Variants in GARRE1 observed in about 807,000 individuals in gnomAD.
The protein encoded by GARRE1 is granule associated Rac and RHOG effector protein 1.
Under a neutral mutation model 103.2 loss-of-function variants are expected in GARRE1, and 49 were observed. The ratio of observed to expected loss-of-function variants is 0.47; its 90% CI spans 0.38 to 0.60. The LOEUF is 0.60. Ranked by LOEUF, GARRE1 falls within the 20% of genes least tolerant of loss-of-function variation. The pLI is 0.00. For missense variants in GARRE1, 1,199 were observed against 1,370.5 expected (o/e 0.87, Z 1.98); for synonymous variants, 505 against 532.8 (o/e 0.95, Z 0.72).
chr19:34,344,107 A>AC (rs745481510), intron 10 of GARRE1, among the ~76,000 whole-genome samples: 147 of 150,926 alleles, frequency 9.7e-4, no homozygotes, highest in East Asian at 2.7e-3. Context: ...ATAGAATTGA[A>AC]CCCCCCCCAC....
chr19:34,325,502 C>G (rs777126732), intron 3 of GARRE1, among the ~76,000 whole-genome samples: 6 of 152,206 alleles, frequency 3.9e-5, no homozygotes, highest in Non-Finnish European at 7.3e-5. Context: ...GCATTTCCGT[C>G]ATGTCTACAC....
At chr19:34,256,390 C>T (rs1027837888) in intron 1 of GARRE1, among the ~76,000 whole-genome samples, 2 of 151,648 alleles carry the variant, frequency 1.3e-5, no homozygotes, top group African/African-American at 2.4e-5. Context: ...CATGGTGGCG[C>T]GCTCCTGTAG....
intron 2 of GARRE1, 79 bp from the exon 3 acceptor site, chr19:34,319,828 A>G (rs534184168): frequency 6.8e-6 from 8 of 1,170,392 alleles, no homozygotes; most frequent in South Asian, 1.2e-5. Flanking sequence ...CTTCTATTCA[A>G]GTTGGTCATT....
chr19:34,288,369 T>G (rs1038691432), intron 1 of GARRE1, among the ~76,000 whole-genome samples: 17 of 152,192 alleles, frequency 1.1e-4, no homozygotes, highest in Non-Finnish European at 2.4e-4. Context: ...CTTCCACCCC[T>G]TCAGTTTCCA....
intron 1 of GARRE1, among the ~76,000 whole-genome samples, chr19:34,273,974 A>AGAGGGGAGTAGC (rs1378984099): frequency 6.6e-6 from 1 of 152,182 alleles, no homozygotes; most frequent in Non-Finnish European, 1.5e-5. Context: ...TAGAGTAGTC[A>AGAGGGGAGTAGC]CACAGCATCC....
At chr19:34,271,820 G>A (rs1461211397) in intron 1 of GARRE1, among the ~76,000 whole-genome samples, 1 of 151,214 alleles carries the variant, frequency 6.6e-6, no homozygotes, top group Non-Finnish European at 1.5e-5. Context: ...GGGGCATGGA[G>A]CAAGTCTCAA....
At chr19:34,261,813 G>A (rs1487406695) in intron 1 of GARRE1, among the ~76,000 whole-genome samples, 3 of 152,052 alleles carry the variant, frequency 2.0e-5, no homozygotes, top group Non-Finnish European at 2.9e-5. Context: ...TGTCTAACTG[G>A]GCACTAACAG....
chr19:34,333,628 A>G (rs1427810784), intron 7 of GARRE1, 76 bp from the exon 8 acceptor site: 1 of 864,926 alleles, frequency 1.2e-6, no homozygotes, highest in Non-Finnish European at 1.8e-6. Context: ...CATTTTATGT[A>G]TTGGATTTTA....
At chr19:34,257,351 T>G (rs1343514807) in intron 1 of GARRE1, among the ~76,000 whole-genome samples, 1 of 152,104 alleles carries the variant, frequency 6.6e-6, no homozygotes, top group East Asian at 1.9e-4. Context: ...ACTCTCTTTT[T>G]TTTTGAGTCG....
chr19:34,283,988 T>C (rs1234443101), intron 1 of GARRE1, among the ~76,000 whole-genome samples: 1 of 150,276 alleles, frequency 6.7e-6, no homozygotes, highest in Non-Finnish European at 1.5e-5. Context: ...CCCGCCACCA[T>C]ACCTGGCTAA....
At chr19:34,323,700 C>T (rs1157175570) in intron 3 of GARRE1, among the ~76,000 whole-genome samples, 1 of 152,098 alleles carries the variant, frequency 6.6e-6, no homozygotes, top group African/African-American at 2.4e-5. Flanking sequence ...TGGGCCCCAG[C>T]CTCCTGACTG....
intron 11 of GARRE1, 113 bp from the exon 12 acceptor site, chr19:34,348,903 G>C: frequency 8.2e-7 from 1 of 1,218,162 alleles, no homozygotes. Flanking sequence ...AGAGACAAGA[G>C]ACCACTATTT....
At chr19:34,275,729 A>T (rs1477246431) in intron 1 of GARRE1, among the ~76,000 whole-genome samples, 1 of 152,118 alleles carries the variant, frequency 6.6e-6, no homozygotes, top group Admixed American at 6.6e-5. Flanking sequence ...TTTCTCTTGG[A>T]TATATATACC....
chr19:34,271,150 A>G (rs1363533750), intron 1 of GARRE1, among the ~76,000 whole-genome samples: 1 of 151,902 alleles, frequency 6.6e-6, no homozygotes, highest in Non-Finnish European at 1.5e-5. Flanking sequence ...TTCTATTTTC[A>G]TATCTGACAT....
intron 1 of GARRE1, among the ~76,000 whole-genome samples, chr19:34,293,460 A>G (rs2073928937): frequency 2.0e-5 from 3 of 150,098 alleles, no homozygotes; most frequent in South Asian, 4.2e-4. Flanking sequence ...CAGTGGTGTG[A>G]TCATGGTTCA....
At chr19:34,266,489 G>A (rs2073752429) in intron 1 of GARRE1, among the ~76,000 whole-genome samples, 1 of 152,196 alleles carries the variant, frequency 6.6e-6, no homozygotes. Context: ...AGCCTCCTGA[G>A]TAGCTGGGAC....
At chr19:34,263,234 AAAAT>A (rs1488147862) in intron 1 of GARRE1, among the ~76,000 whole-genome samples, 2 of 149,894 alleles carry the variant, frequency 1.3e-5, no homozygotes, top group African/African-American at 4.9e-5. Context: ...AAATAAAAAT[AAAAT>A]AAATAATGTC....
chr19:34,275,390 C>G (rs1373856010), intron 1 of GARRE1, among the ~76,000 whole-genome samples: 1 of 152,002 alleles, frequency 6.6e-6, no homozygotes, highest in Non-Finnish European at 1.5e-5. Context: ...GCAGTCATCC[C>G]TTATTTCCCC....
chr19:34,279,945 A>G (rs536322441), intron 1 of GARRE1, among the ~76,000 whole-genome samples: 2 of 144,078 alleles, frequency 1.4e-5, no homozygotes, highest in South Asian at 2.3e-4. Flanking sequence ...AGATCCCGCC[A>G]CTGCACTCCA....
Sources: allele counts gnomAD v4.1 joint callset (sites outside exome capture counted in the v4.1 genomes callset), GRCh38; gene constraint gnomAD v4.1.1; transcripts MANE v1.5; gene names NCBI Gene and HGNC (gene_info 2026-07-23, HGNC 2026-07-21).